Variants in SESTD1 observed in about 807,000 individuals in gnomAD.
SESTD1 encodes SEC14 and spectrin domain containing 1, also known as SEC14 domain and spectrin repeat-containing protein 1.
In SESTD1, 43 loss-of-function variants were observed where a neutral mutation model predicts 101.7. That is an observed-to-expected ratio of 0.42 (90% CI 0.33 to 0.55). The LOEUF is 0.55. Ranked by LOEUF, SESTD1 falls within the 20% of genes least tolerant of loss-of-function variation. The pLI is 0.07. For missense variants in SESTD1, 647 were observed against 815.1 expected (o/e 0.79, Z 2.51); for synonymous variants, 283 against 286.8 (o/e 0.99, Z 0.13).
chr2:179,244,719 C>T (rs1320688936), intron 1 of SESTD1, among the ~76,000 whole-genome samples: 1 of 151,954 alleles, frequency 6.6e-6, no homozygotes, highest in African/African-American at 2.4e-5. Context: ...CACAGAAAAG[C>T]GGGAACAAAC....
intron 1 of SESTD1, among the ~76,000 whole-genome samples, chr2:179,230,022 C>T (rs974994926): frequency 2.7e-5 from 4 of 145,794 alleles, no homozygotes; most frequent in Non-Finnish European, 4.5e-5. Context: ...TAAAAAATAA[C>T]GTTAGGACAA....
chr2:179,181,088 G>C (rs1002251053), intron 3 of SESTD1, among the ~76,000 whole-genome samples: 2 of 151,980 alleles, frequency 1.3e-5, no homozygotes, highest in Non-Finnish European at 2.9e-5. Flanking sequence ...TGCAGAAACT[G>C]ATTCATCATT....
intron 1 of SESTD1, among the ~76,000 whole-genome samples, chr2:179,225,378 A>T (rs1257878401): frequency 1.3e-5 from 2 of 152,000 alleles, no homozygotes; most frequent in Non-Finnish European, 2.9e-5. Flanking sequence ...TAATATAAAT[A>T]ATAAAAGTCT....
At position 179,240,587 on chromosome 2, in the gene SESTD1, C is replaced by A. The variant is rs529428588; in HGVS notation, c.-26+23912G>T. Among the ~76,000 whole-genome samples the A allele has an allele frequency of 7.2e-5, 11 of 152,142 alleles. 1 individual carries two copies. In the South Asian group the frequency reaches 2.3e-3, roughly 32 times the overall value. On this transcript the variant is annotated intron_variant, in intron 1 of 17. Coordinates refer to ENST00000428443, the MANE Select transcript of SESTD1 (RefSeq NM_178123.5). ...GACAAAAATAAAGCCCCAACAAAAGCCGCCAGTCAAAAGACCAGGAAGGAG... is the reference window on the plus strand; with the variant it reads ...GACAAAAATAAAGCCCCAACAAAAGACGCCAGTCAAAAGACCAGGAAGGAG...
At chr2:179,174,416 C>A (rs1476084587) in intron 4 of SESTD1, 2 of 465,950 alleles carry the variant, frequency 4.3e-6, no homozygotes, top group Non-Finnish European at 8.9e-6. Context: ...AAAACTGCCA[C>A]TGATCAAAGT....
chr2:179,260,585 T>C (rs920104872), intron 1 of SESTD1, among the ~76,000 whole-genome samples: 2 of 152,176 alleles, frequency 1.3e-5, no homozygotes, highest in East Asian at 1.9e-4. Context: ...AGATGATTTC[T>C]AGTAAACGTT....
intron 13 of SESTD1, among the ~76,000 whole-genome samples, chr2:179,117,978 G>A (rs2044670913): frequency 6.6e-6 from 1 of 152,060 alleles, no homozygotes; most frequent in African/African-American, 2.4e-5. Flanking sequence ...AATACAGGAT[G>A]ATATTTTTTT....
rs752335993 is a variant in SESTD1, at chr2:179,112,793, A to C, written c.1892T>G (p.Phe631Cys). Reference protein sequence around the residue: ...EPEAINDEEQFDEIEAVGKSL... With the variant: ...EPEAINDEEQCDEIEAVGKSL... ...TTTCCCAACTGCTTCAATTTCATCA[A>C]ATTGCTCCTCATCATTAATAGCTTC... is the stretch of plus-strand genomic sequence containing the variant. The change falls in exon 17 of 18, where the codon TTT becomes TGT. Residue 631 changes from phenylalanine (F) to cysteine (C), a missense_variant. By Grantham distance (205) the Phe-to-Cys change is radical. Transcript: ENST00000428443. 1 of 1,613,318 alleles carries C rather than the reference A, an allele frequency of 6.2e-7. No individual in the cohort carries two copies. The highest frequency in any genetic ancestry group is 1.1e-5 in the South Asian group (1 of 91,064).
intron 10 of SESTD1, among the ~76,000 whole-genome samples, chr2:179,131,242 T>G (rs894767468): frequency 6.7e-6 from 1 of 150,326 alleles, no homozygotes; most frequent in Non-Finnish European, 1.5e-5. Context: ...CTAAGCAAAA[T>G]GGAATACATT....
At chr2:179,150,816 T>C (rs758192421) in intron 6 of SESTD1, among the ~76,000 whole-genome samples, 5 of 147,036 alleles carry the variant, frequency 3.4e-5, no homozygotes, top group Non-Finnish European at 5.9e-5. Context: ...CAAGACTGTC[T>C]CAAAAAAAAG....
At chr2:179,233,872 G>A (rs1397166618) in intron 1 of SESTD1, among the ~76,000 whole-genome samples, 1 of 152,194 alleles carries the variant, frequency 6.6e-6, no homozygotes, top group Non-Finnish European at 1.5e-5. Context: ...TGGTGTGTGT[G>A]CATGTGTGTA....
intron 1 of SESTD1, among the ~76,000 whole-genome samples, chr2:179,225,845 G>C (rs145747180): frequency 6.6e-6 from 1 of 152,110 alleles, no homozygotes; most frequent in Non-Finnish European, 1.5e-5. Context: ...ACCTCCGAAA[G>C]GCTATATACC....
At chr2:179,232,232 A>T (rs1162707380) in intron 1 of SESTD1, among the ~76,000 whole-genome samples, 2 of 130,436 alleles carry the variant, frequency 1.5e-5, no homozygotes, top group Non-Finnish European at 3.1e-5. Context: ...TCTACCTCAA[A>T]ATTATACATT....
intron 1 of SESTD1, among the ~76,000 whole-genome samples, chr2:179,263,440 A>G (rs1017017294): frequency 6.6e-6 from 1 of 152,288 alleles, no homozygotes; most frequent in Admixed American, 6.5e-5. Flanking sequence ...GTATATAGAT[A>G]TATGTGTGTC....
chr2:179,253,008 A>ATTT (rs1346621881), intron 1 of SESTD1, among the ~76,000 whole-genome samples: 1 of 152,156 alleles, frequency 6.6e-6, no homozygotes, highest in Non-Finnish European at 1.5e-5. Flanking sequence ...AAGTAAATGA[A>ATTT]TTATAAAAGT....
rs189770186 is a variant in SESTD1, at chr2:179,129,027, A to T, written c.972+3277T>A. Among the ~76,000 whole-genome samples the T allele has an allele frequency of 1.2e-3, 182 of 152,326 alleles. 1 individual carries two copies. Among genetic ancestry groups the T allele is most frequent in the African/African-American group, 4.1e-3 (172 of 41,586 alleles). ...GAAATGATGGATATTTATACTTTAT[A>T]CCATGAAATGTGAATCCATATGTAG... On this transcript the variant is annotated intron_variant, in intron 10 of 17. Coordinates refer to ENST00000428443, the MANE Select transcript of SESTD1 (RefSeq NM_178123.5).
At chr2:179,152,398 A>G (rs368648499) in intron 5 of SESTD1, among the ~76,000 whole-genome samples, 3 of 152,342 alleles carry the variant, frequency 2.0e-5, no homozygotes, top group Admixed American at 1.3e-4. Flanking sequence ...TGATTATGGC[A>G]AAAATTATGT....
intron 3 of SESTD1, among the ~76,000 whole-genome samples, chr2:179,182,627 TTAGATTAAAA>T (rs973674683): frequency 4.2e-4 from 64 of 152,216 alleles, no homozygotes; most frequent in African/African-American, 1.5e-3. Flanking sequence ...TAAAGGCCCT[TTAGATTAAAA>T]TATAAACAAA....
intron 1 of SESTD1, among the ~76,000 whole-genome samples, chr2:179,225,713 G>A (rs2046875519): frequency 6.6e-6 from 1 of 152,136 alleles, no homozygotes; most frequent in African/African-American, 2.4e-5. Context: ...CAAAAAGGGT[G>A]CAAATACTGT....
Sources: allele counts gnomAD v4.1 joint callset (sites outside exome capture counted in the v4.1 genomes callset), GRCh38; gene constraint gnomAD v4.1.1; transcripts MANE v1.5; gene names NCBI Gene and HGNC (gene_info 2026-07-23, HGNC 2026-07-21).